KCNH8: variants seen among roughly 807,000 people sequenced by gnomAD.
KCNH8 encodes potassium voltage-gated channel subfamily H member 8, also known as voltage-gated delayed rectifier potassium channel KCNH8.
KCNH8 carries 70 observed loss-of-function variants against 103.6 expected under a neutral mutation model. The ratio of observed to expected loss-of-function variants is 0.68; its 90% CI spans 0.56 to 0.82. The LOEUF (loss-of-function observed/expected upper bound fraction) is 0.82. Among genes scored for constraint, KCNH8 ranks in the 40% least tolerant of loss-of-function variants. KCNH8 has a pLI of 0.00. For synonymous variants in KCNH8, 498 were observed against 489.4 expected (o/e 1.02, Z -0.23); for missense variants, 1,217 against 1,329.9 (o/e 0.92, Z 1.32).
chr3:19,323,137 C>T (rs2065372836), intron 3 of KCNH8, among the ~76,000 whole-genome samples: 1 of 151,914 alleles, frequency 6.6e-6, no homozygotes, highest in Non-Finnish European at 1.5e-5. Flanking sequence ...TTCTTTGGTG[C>T]GTCCATGATT....
chr3:19,190,729 A>G (rs2063543824), intron 1 of KCNH8, among the ~76,000 whole-genome samples: 1 of 151,964 alleles, frequency 6.6e-6, no homozygotes, highest in African/African-American at 2.4e-5. Flanking sequence ...TGTTGCAATA[A>G]GTTTGCTTTC....
At chr3:19,271,698 C>T (rs1461625191) in intron 2 of KCNH8, among the ~76,000 whole-genome samples, 1 of 152,080 alleles carries the variant, frequency 6.6e-6, no homozygotes, top group Non-Finnish European at 1.5e-5. Context: ...GCCATATAAC[C>T]AGTATGCAGA....
intron 2 of KCNH8, among the ~76,000 whole-genome samples, chr3:19,280,872 ATC>A (rs1413747768): frequency 1.3e-5 from 2 of 152,096 alleles, no homozygotes; most frequent in East Asian, 3.9e-4. Flanking sequence ...GGAAGGGGCA[ATC>A]TCTCATAAAG....
intron 5 of KCNH8, among the ~76,000 whole-genome samples, chr3:19,373,715 G>A (rs1167233062): frequency 7.3e-5 from 11 of 150,796 alleles, no homozygotes; most frequent in Non-Finnish European, 1.3e-4. Context: ...TGTCAATTTT[G>A]GATCTTTCCT....
intron 3 of KCNH8, among the ~76,000 whole-genome samples, chr3:19,328,775 G>A (rs915790327): frequency 6.6e-6 from 1 of 152,062 alleles, no homozygotes; most frequent in Non-Finnish European, 1.5e-5. Flanking sequence ...ACTCCTAACC[G>A]ATATTTGACT....
chr3:19,494,274 T>C (rs534764805), intron 11 of KCNH8, among the ~76,000 whole-genome samples: 1 of 152,198 alleles, frequency 6.6e-6, no homozygotes, highest in Non-Finnish European at 1.5e-5. Context: ...GTAGCTCCCA[T>C]AATTCCCATG....
Position 19,148,765 on chromosome 3 carries a change from G to A in KCNH8, c.46G>A (p.Asp16Asn). 1 of 1,614,126 alleles carries A rather than the reference G, an allele frequency of 6.2e-7. No individual in the cohort carries two copies. Among genetic ancestry groups the A allele is most frequent in the Non-Finnish European group, 8.5e-7 (1 of 1,180,006 alleles). Residue 16 changes from aspartate to asparagine, a missense_variant, in exon 1 of 16, where the codon GAC becomes AAC. Asp to Asn is a conservative substitution (Grantham distance 23, BLOSUM62 1). Around this residue, in one of 3 missense-constraint regions of KCNH8, gnomAD observed 244 missense variants for 256.8 expected, o/e 0.95. Coordinates refer to ENST00000328405, the MANE Select transcript of KCNH8 (RefSeq NM_144633.3). ...GLLAPQNTFL[D>N]TIATRFDGTH... ...ACTGGCGCCGCAAAACACCTTCCTG[G>A]ACACCATCGCCACCCGTTTTGACGG...
intron 5 of KCNH8, among the ~76,000 whole-genome samples, chr3:19,363,336 G>C (rs1559493063): frequency 6.6e-6 from 1 of 152,048 alleles, no homozygotes; most frequent in Non-Finnish European, 1.5e-5. Context: ...TAAGAACAAG[G>C]AAAAGAGCTG....
intron 1 of KCNH8, among the ~76,000 whole-genome samples, chr3:19,232,433 C>T (rs1559433849): frequency 6.6e-6 from 1 of 152,234 alleles, no homozygotes; most frequent in East Asian, 1.9e-4. Context: ...TCTATTTGCA[C>T]GTGTTATGAA....
intron 11 of KCNH8, among the ~76,000 whole-genome samples, chr3:19,487,572 G>C (rs537544957): frequency 2.6e-4 from 40 of 152,280 alleles, no homozygotes; most frequent in Middle Eastern, 3.4e-3. Context: ...CTTAACTTCT[G>C]TGAGTACGGG....
At chr3:19,411,537 TAA>T (rs2125148497) in intron 7 of KCNH8, among the ~76,000 whole-genome samples, 1 of 152,048 alleles carries the variant, frequency 6.6e-6, no homozygotes, top group African/African-American at 2.4e-5. Context: ...GAGAAAGAAA[TAA>T]GAGTCATCCA....
intron 1 of KCNH8, among the ~76,000 whole-genome samples, chr3:19,193,314 A>G (rs1455348186): frequency 6.6e-6 from 1 of 151,740 alleles, no homozygotes; most frequent in African/African-American, 2.4e-5. Context: ...TTCTGCATAG[A>G]TAAAAATAAG....
At chr3:19,416,029 C>A (rs1044589232) in intron 7 of KCNH8, among the ~76,000 whole-genome samples, 3 of 152,016 alleles carry the variant, frequency 2.0e-5, no homozygotes, top group Non-Finnish European at 4.4e-5. Flanking sequence ...TGCAGGTTAT[C>A]TTCTTTCCTA....
intron 7 of KCNH8, among the ~76,000 whole-genome samples, chr3:19,403,397 TATAA>T (rs1171135163): frequency 2.4e-5 from 3 of 122,462 alleles, no homozygotes; most frequent in East Asian, 2.5e-4. Flanking sequence ...TATATATATA[TATAA>T]AATCCTTCTG....
chr3:19,458,297 C>T (rs1027330334), intron 11 of KCNH8, among the ~76,000 whole-genome samples: 2 of 151,818 alleles, frequency 1.3e-5, no homozygotes, highest in Non-Finnish European at 2.9e-5. Context: ...GTCTTTTGTG[C>T]TCACCATGAC....
At chr3:19,185,901 G>A (rs2063497415) in intron 1 of KCNH8, among the ~76,000 whole-genome samples, 1 of 151,824 alleles carries the variant, frequency 6.6e-6, no homozygotes, top group African/African-American at 2.4e-5. Flanking sequence ...CATTCTGAGT[G>A]GTAAACCTCT....
intron 3 of KCNH8, among the ~76,000 whole-genome samples, chr3:19,284,540 T>G (rs2064802241): frequency 6.7e-6 from 1 of 150,036 alleles, no homozygotes; most frequent in African/African-American, 2.5e-5. Flanking sequence ...TGTGTGTGTG[T>G]GTGTGTGTGT....
In KCNH8 at chr3:19,220,204, G is replaced by A. The variant is rs558502506; in HGVS notation, c.77-33450G>A. On this transcript the variant is annotated intron_variant, in intron 1 of 15. Coordinates refer to ENST00000328405, the MANE Select transcript of KCNH8 (RefSeq NM_144633.3). Reference sequence around the variant, plus strand: ...GGCCATTGCTGTTTTTCATTCTGGCGCCCAGCATAGATGCTATATATGGAA... The same window carrying A: ...GGCCATTGCTGTTTTTCATTCTGGCACCCAGCATAGATGCTATATATGGAA... Among the ~76,000 whole-genome samples the A allele has an allele frequency of 7.2e-5, 11 of 152,210 alleles. No homozygotes were observed. The South Asian group carries it at 1.0e-3, about 14-fold the overall frequency.
At chr3:19,376,150 T>C (rs1015477751) in intron 5 of KCNH8, among the ~76,000 whole-genome samples, 4 of 152,186 alleles carry the variant, frequency 2.6e-5, no homozygotes, top group African/African-American at 9.6e-5. Flanking sequence ...CCAGGCTGCT[T>C]TGTTTACCTA....
Sources: gnomAD v4.1 joint callset for allele counts (sites outside exome capture counted in the v4.1 genomes callset) on GRCh38, gnomAD v4.1.1 for gene constraint, gnomAD v4.1.1 regional missense constraint, MANE v1.5 for transcripts, NCBI Gene and HGNC (gene_info 2026-07-23, HGNC 2026-07-21) for gene names.